GLI3: variants seen among roughly 807,000 people sequenced by gnomAD.
The protein encoded by GLI3 is GLI family zinc finger 3.
In GLI3, 20 loss-of-function variants were observed where a neutral mutation model predicts 100.8. The ratio of observed to expected loss-of-function variants is 0.20; its 90% confidence interval spans 0.14 to 0.29. The LOEUF (loss-of-function observed/expected upper bound fraction) is 0.29, where lower values mean the gene tolerates loss of function less well. Ranked by LOEUF, GLI3 falls within the 10% of genes least tolerant of loss-of-function variation. The pLI is 1.00. For synonymous variants in GLI3, 938 were observed against 860.5 expected (o/e 1.09, Z -1.58); for missense variants, 2,040 against 2,128.5 (o/e 0.96, Z 0.82).
chr7:42,195,474 G>A (rs1304481124), intron 2 of GLI3, among the ~76,000 whole-genome samples: 1 of 152,068 alleles, frequency 6.6e-6, no homozygotes, highest in Non-Finnish European at 1.5e-5. Flanking sequence ...CTTTGTACCT[G>A]CCTCCTCACA....
At chr7:42,197,371 C>CA (rs1428085515) in intron 2 of GLI3, among the ~76,000 whole-genome samples, 2 of 152,226 alleles carry the variant, frequency 1.3e-5, no homozygotes, top group African/African-American at 4.8e-5. Context: ...GCAGAAGTTA[C>CA]AGAGTTCTGA....
chr7:42,135,742 C>G (rs1786412923), intron 3 of GLI3, among the ~76,000 whole-genome samples: 1 of 152,192 alleles, frequency 6.6e-6, no homozygotes, highest in Admixed American at 6.5e-5. Flanking sequence ...TTCCTCCAAC[C>G]TCTTCATCAT....
At chr7:42,099,275 C>T (rs1022097583) in intron 3 of GLI3, among the ~76,000 whole-genome samples, 2 of 152,152 alleles carry the variant, frequency 1.3e-5, no homozygotes, top group Non-Finnish European at 2.9e-5. Context: ...TCACATTCTC[C>T]CAATAATGCT....
At chr7:42,071,212 T>A (rs1351983240) in intron 4 of GLI3, among the ~76,000 whole-genome samples, 1 of 152,102 alleles carries the variant, frequency 6.6e-6, no homozygotes, top group Non-Finnish European at 1.5e-5. Flanking sequence ...TTCTTTTTCT[T>A]TTTTGGGGGG....
At chr7:42,082,278 C>T (rs957952966) in intron 3 of GLI3, among the ~76,000 whole-genome samples, 4 of 152,072 alleles carry the variant, frequency 2.6e-5, no homozygotes, top group Non-Finnish European at 4.4e-5. Flanking sequence ...TCATCATCCT[C>T]GTGCCTGCAA....
At chr7:42,155,943 A>G (rs1786992338) in intron 2 of GLI3, among the ~76,000 whole-genome samples, 1 of 152,052 alleles carries the variant, frequency 6.6e-6, no homozygotes, top group Non-Finnish European at 1.5e-5. Flanking sequence ...GTGCCCCTGA[A>G]CCCTCACAAA....
intron 4 of GLI3, among the ~76,000 whole-genome samples, chr7:42,049,271 G>A (rs1473502761): frequency 6.6e-6 from 1 of 152,202 alleles, no homozygotes; most frequent in African/African-American, 2.4e-5. Flanking sequence ...TTAGAAATGG[G>A]AAATCGGTCA....
intron 2 of GLI3, among the ~76,000 whole-genome samples, chr7:42,181,274 G>C (rs966846058): frequency 6.6e-6 from 1 of 152,166 alleles, no homozygotes; most frequent in South Asian, 2.1e-4. Flanking sequence ...ATCACAGACA[G>C]CAATGGGTAA....
chr7:42,028,120 G>C (rs1310785158), intron 7 of GLI3, among the ~76,000 whole-genome samples: 1 of 152,130 alleles, frequency 6.6e-6, no homozygotes, highest in African/African-American at 2.4e-5. Flanking sequence ...TGATTTAACA[G>C]CCCCCCTTCC....
chr7:42,207,816 C>G (rs1334250423), intron 2 of GLI3, among the ~76,000 whole-genome samples: 7 of 152,090 alleles, frequency 4.6e-5, no homozygotes. Flanking sequence ...TCGTGTTTTT[C>G]TTTTATGCTT....
chr7:42,083,820 A>G, intron 3 of GLI3, among the ~76,000 whole-genome samples: 1 of 152,230 alleles, frequency 6.6e-6, no homozygotes, highest in East Asian at 1.9e-4. Context: ...ATCAATAGAC[A>G]TCTCATCTAA....
chr7:41,989,668 G>A (rs1306694159), intron 10 of GLI3, among the ~76,000 whole-genome samples: 3 of 152,072 alleles, frequency 2.0e-5, no homozygotes, highest in African/African-American at 7.2e-5. Flanking sequence ...GCCAGATTCA[G>A]AAAAGAGAGT....
chr7:42,179,267 A>G (rs1197038456), intron 2 of GLI3, among the ~76,000 whole-genome samples: 1 of 152,200 alleles, frequency 6.6e-6, no homozygotes, highest in African/African-American at 2.4e-5. Flanking sequence ...TGTGGAACCG[A>G]AAGTCCAATA....
rs3030321 is a variant in GLI3, at chr7:42,005,458, TACACAC to T, written c.1497+18004_1497+18009del. Among the ~76,000 whole-genome samples, 519 of 143,614 alleles carry T rather than the reference TACACAC, an allele frequency of 3.6e-3. 3 individuals are homozygous for T. Among genetic ancestry groups the T allele is most frequent in the South Asian group, 5.7e-3 (25 of 4,358 alleles). The allele number at this position is 143,614 out of a possible 152,430, so 94.2% of individuals were successfully genotyped here. A position where few individuals can be genotyped will look rare whatever the true frequency, so the allele number is the denominator to read the frequency against. The stretch of plus-strand genomic sequence containing the variant: ...AAACATTTTTTATCCTGAATTCACA[TACACAC>T]ACACACACACACACACACACACACA... On this transcript the variant is annotated intron_variant, in intron 10 of 14. Coordinates refer to ENST00000395925, the MANE Select transcript of GLI3 (RefSeq NM_000168.6).
chr7:42,171,648 C>T (rs961853909), intron 2 of GLI3, among the ~76,000 whole-genome samples: 1 of 152,138 alleles, frequency 6.6e-6, no homozygotes. Flanking sequence ...GTCTGGTAAT[C>T]GAAGGCCCTG....
chr7:42,017,870 T>C (rs1488059166), intron 10 of GLI3, among the ~76,000 whole-genome samples: 2 of 152,192 alleles, frequency 1.3e-5, no homozygotes, highest in African/African-American at 4.8e-5. Flanking sequence ...TTCGAGACCC[T>C]CTGTCTGTTT....
intron 2 of GLI3, among the ~76,000 whole-genome samples, chr7:42,167,934 T>C (rs1029881920): frequency 9.2e-5 from 14 of 152,258 alleles, no homozygotes; most frequent in Non-Finnish European, 1.9e-4. Flanking sequence ...AACTCATGCA[T>C]GCACATGGCC....
At chr7:42,054,661 C>G (rs1031011479) in intron 4 of GLI3, among the ~76,000 whole-genome samples, 1 of 151,622 alleles carries the variant, frequency 6.6e-6, no homozygotes, top group Non-Finnish European at 1.5e-5. Flanking sequence ...CAATAAATAC[C>G]ATTTTAATAA....
intron 4 of GLI3, among the ~76,000 whole-genome samples, chr7:42,072,420 A>G (rs543038055): frequency 2.3e-4 from 35 of 152,344 alleles, no homozygotes; most frequent in African/African-American, 8.4e-4. Flanking sequence ...GGTTTCTACA[A>G]ATACACCATG....
Sources: allele counts gnomAD v4.1 joint callset (sites outside exome capture counted in the v4.1 genomes callset), GRCh38; gene constraint gnomAD v4.1.1; transcripts MANE v1.5; gene names NCBI Gene and HGNC (gene_info 2026-07-23, HGNC 2026-07-21).